The following NAXD variants were observed in gnomAD, a reference collection of about 807,000 sequenced individuals.
NAXD encodes the protein NAD(P)HX dehydratase.
A neutral mutation model predicts 35.8 loss-of-function variants in NAXD; 22 were observed. The observed-to-expected ratio is 0.62, with a 90% CI of 0.44 to 0.88. NAXD has a LOEUF of 0.88. Among genes scored for constraint, NAXD ranks in the 40% least tolerant of loss-of-function variants. The pLI is 0.00. For missense variants in NAXD, 428 were observed against 437.7 expected (o/e 0.98, Z 0.20); for synonymous variants, 189 against 177.6 (o/e 1.06, Z -0.51).
chr13:110,623,996 C>CT (rs1886363316), intron 2 of NAXD, among the ~76,000 whole-genome samples: 1 of 137,204 alleles, frequency 7.3e-6, no homozygotes, highest in Non-Finnish European at 1.5e-5. Context: ...GAGTGAAACT[C>CT]TGTCTCAAAA....
chr13:110,618,934 C>T (rs1456501141), intron 1 of NAXD, among the ~76,000 whole-genome samples: 2 of 152,170 alleles, frequency 1.3e-5, no homozygotes, highest in African/African-American at 2.4e-5. Context: ...GGAGCAGATG[C>T]GGAGAGGACA....
chr13:110,622,109 C>T (rs1166516189), intron 1 of NAXD, 107 bp from the exon 2 acceptor site: 3 of 880,466 alleles, frequency 3.4e-6, no homozygotes, highest in Non-Finnish European at 5.0e-6. Flanking sequence ...GGGTAAAAAT[C>T]TATAGCATTC....
chr13:110,622,405 A>G (rs764548457), intron 2 of NAXD, 39 bp downstream of exon 2: 69 of 1,602,914 alleles, frequency 4.3e-5, no homozygotes, highest in Non-Finnish European at 5.8e-5. Context: ...TTAAAAAGTC[A>G]GTTGCTGGCT....
chr13:110,632,068 G>A (rs1474289701), intron 5 of NAXD, among the ~76,000 whole-genome samples: 1 of 135,570 alleles, frequency 7.4e-6, no homozygotes, highest in Non-Finnish European at 1.6e-5. Context: ...GTGGACCCTC[G>A]CGGTGAGTGT....
At position 110,625,289 on chromosome 13, in the gene NAXD, C is replaced by G. The variant is rs1269803793; in HGVS notation, c.332+11C>G. 1 of 1,593,132 alleles carries G rather than the reference C, an allele frequency of 6.3e-7. No homozygotes were observed. The highest frequency in any genetic ancestry group is 8.6e-7 in the Non-Finnish European group (1 of 1,161,128). On this transcript the variant is annotated intron_variant, in intron 4 of 9. Transcript: ENST00000680254. ...CGTCCACCCAGTTCTGTGAGTCGCT[C>G]TGCGCCGGCTTCTCGTAGGTTCTCT...
At chr13:110,625,993 C>A (rs1886463558) in intron 4 of NAXD, among the ~76,000 whole-genome samples, 1 of 152,078 alleles carries the variant, frequency 6.6e-6, no homozygotes, top group South Asian at 2.1e-4. Flanking sequence ...GTGATGACGC[C>A]TGGGTCGAGC....
chr13:110,631,999 T>C (rs910967607), intron 5 of NAXD, among the ~76,000 whole-genome samples: 1 of 152,240 alleles, frequency 6.6e-6, no homozygotes, highest in Admixed American at 6.5e-5. Flanking sequence ...ATTCTTAGCA[T>C]GTATTTTTAT....
At chr13:110,637,354 A>T in intron 9 of NAXD, 105 bp downstream of exon 9, 1 of 1,326,848 alleles carries the variant, frequency 7.5e-7, no homozygotes. Flanking sequence ...ACTGACAATG[A>T]ACTCTAGGCT....
At chr13:110,620,578 CAAAA>C (rs34370844) in intron 1 of NAXD, among the ~76,000 whole-genome samples, 3 of 84,898 alleles carry the variant, frequency 3.5e-5, no homozygotes, top group African/African-American at 3.8e-5. Context: ...GACTCTGTCT[CAAAA>C]AAAAAAAAAA....
In NAXD at chr13:110,638,050, G is replaced by A. The variant is rs1459371714; in HGVS notation, c.840-328G>A. 6.6e-6 allele frequency among the ~76,000 whole-genome samples: 1 copy of A among 152,116 alleles called. No homozygotes were observed. The highest frequency in any genetic ancestry group is 1.5e-5 in the Non-Finnish European group (1 of 68,034). On this transcript the variant is annotated intron_variant, in intron 9 of 9. Coordinates refer to ENST00000680254, the MANE Select transcript of NAXD (RefSeq NM_001242882.2). This position sits in a 1 kb window ranked among gnomAD's most constrained non-coding sequence, Gnocchi z 5.4. ...AGACCTCAGATGCCCTCTGCACCTGGGCACTGAGAGCACAGTCAAACAGGG... is the reference window on the plus strand; with the variant it reads ...AGACCTCAGATGCCCTCTGCACCTGAGCACTGAGAGCACAGTCAAACAGGG...
At chr13:110,615,697 G>T in intron 1 of NAXD, 50 bp downstream of exon 1, 1 of 1,523,342 alleles carries the variant, frequency 6.6e-7, no homozygotes, top group Admixed American at 2.0e-5. Flanking sequence ...GCGGGGGCCG[G>T]AACTGCCGTC....
intron 4 of NAXD, among the ~76,000 whole-genome samples, chr13:110,626,372 T>G (rs537669610): frequency 1.3e-5 from 2 of 152,132 alleles, no homozygotes; most frequent in South Asian, 4.2e-4. Flanking sequence ...GGTCACTCCA[T>G]GTGGTGGAAA....
chr13:110,620,495 G>T (rs890598516), intron 1 of NAXD, among the ~76,000 whole-genome samples: 8 of 150,810 alleles, frequency 5.3e-5, no homozygotes, highest in African/African-American at 2.0e-4. Context: ...CAGGAGAATT[G>T]CTTGGACCAG....
At chr13:110,637,475 G>C (rs1886975940) in intron 9 of NAXD, among the ~76,000 whole-genome samples, 1 of 152,146 alleles carries the variant, frequency 6.6e-6, no homozygotes, top group African/African-American at 2.4e-5. Context: ...GGCAGGGGTG[G>C]TCTTCAGAGC....
intron 1 of NAXD, among the ~76,000 whole-genome samples, chr13:110,619,660 T>G (rs977416252): frequency 1.3e-5 from 2 of 151,894 alleles, no homozygotes; most frequent in Admixed American, 1.3e-4. Context: ...CATTTGGGAG[T>G]GTTGAGATAT....
chr13:110,625,916 G>A (rs919612011), intron 4 of NAXD, among the ~76,000 whole-genome samples: 7 of 152,064 alleles, frequency 4.6e-5, no homozygotes, highest in Admixed American at 6.5e-5. Flanking sequence ...TGAAGGAACC[G>A]TAGAGAGCGG....
rs780832543 is a variant in NAXD, at chr13:110,622,278, C to T, written c.109C>T (p.Gln37Ter). The T allele has an allele frequency of 1.4e-5, 23 of 1,613,962 alleles. No individual in the cohort carries two copies. In the Admixed American group the frequency reaches 3.5e-4, roughly 25 times the overall value. Residue 37 changes from glutamine (Q) to a stop codon, truncating the protein, a stop_gained, in exon 2 of 10, where the codon CAG (glutamine) becomes TAG (stop). Coordinates refer to ENST00000680254, the MANE Select transcript of NAXD (RefSeq NM_001242882.2). LOFTEE classifies it high-confidence loss of function. The part of the protein sequence containing the change: ...HSIKDMENTL[Q>*]LVRNIIPPLS... ...GATAAAGGATATGGAAAATACTTTGCAGCTGGTGAGAAATATCATACCTCC... is the reference window on the plus strand; with the variant it reads ...GATAAAGGATATGGAAAATACTTTGTAGCTGGTGAGAAATATCATACCTCC...
chr13:110,624,183 T>A (rs375159148), intron 2 of NAXD, 51 bp from the exon 3 acceptor site: 10 of 1,023,776 alleles, frequency 9.8e-6, no homozygotes, highest in African/African-American at 9.6e-5. Flanking sequence ...TTGATCAAGG[T>A]ATGCTTACCT....
intron 5 of NAXD, among the ~76,000 whole-genome samples, chr13:110,632,492 G>A (rs528192283): frequency 6.6e-6 from 1 of 152,150 alleles, no homozygotes; most frequent in Non-Finnish European, 1.5e-5. Context: ...TGGTAGAGCC[G>A]AGTGGCCTGT....
Sources: gnomAD v4.1 joint callset for allele counts (sites outside exome capture counted in the v4.1 genomes callset) on GRCh38, gnomAD v4.1.1 for gene constraint, Gnocchi (gnomAD v3.1) non-coding constraint, MANE v1.5 for transcripts, NCBI Gene and HGNC (gene_info 2026-07-23, HGNC 2026-07-21) for gene names.